The following FBRSL1 variants were observed in gnomAD, a reference collection of about 807,000 sequenced individuals.
The protein encoded by FBRSL1 is fibrosin like 1, also known as fibrosin-1-like protein.
Under a neutral mutation model 89.6 loss-of-function variants are expected in FBRSL1, and 51 were observed. That is an observed-to-expected ratio of 0.57 (90% CI 0.45 to 0.72). FBRSL1 has a LOEUF of 0.72. Among genes scored for constraint, FBRSL1 ranks in the 30% least tolerant of loss-of-function variants. The probability of loss-of-function intolerance (pLI) is 0.00; values close to 1 mark genes in which losing one functional copy is unlikely to be tolerated. For missense variants in FBRSL1, 1,618 were observed against 1,451.8 expected, an observed-to-expected ratio of 1.11 and a Z score of -1.86; for synonymous variants, 779 against 681.1, an observed-to-expected ratio of 1.14 and a Z score of -2.24.
chr12:132,571,087 A>G lies in FBRSL1; in HGVS notation c.1233A>G (p.Ser411=), dbSNP rs971485930. Residue 411 remains serine (S), a synonymous_variant, in exon 9 of 19, where the codon TCA becomes TCG. Coordinates refer to ENST00000680143, the MANE Select transcript of FBRSL1 (RefSeq NM_001367871.1). The part of the protein sequence containing the change: ...GHPADASLAV[S]FSQPIMYCQP... The stretch of plus-strand genomic sequence containing the variant: ...CTCTAGATGCCAGCCTGGCGGTCTC[A>G]TTCAGCCAGCCAATCATGTATTGCC... The G allele has an allele frequency of 3.0e-6, 4 of 1,354,996 alleles. No homozygotes were observed. The African/African-American group carries it at 5.9e-5, about 20-fold the overall frequency. The allele number at this position is 1,354,996 out of a possible 1,614,324, so 83.9% of individuals were successfully genotyped here.
At chr12:132,500,226 C>T (rs1314504287) in intron 1 of FBRSL1, among the ~76,000 whole-genome samples, 1 of 152,302 alleles carries the variant, frequency 6.6e-6, no homozygotes, top group Middle Eastern at 3.4e-3. Flanking sequence ...CACCTTCCCT[C>T]TGTTGAGAAC....
intron 15 of FBRSL1, chr12:132,580,752 G>A: frequency 1.0e-6 from 1 of 985,288 alleles, no homozygotes; most frequent in Non-Finnish European, 1.2e-6. Context: ...GGCTGGGAGG[G>A]AGTCGGAGTA....
At chr12:132,581,296 C>T in intron 15 of FBRSL1, 143 bp from the exon 16 acceptor site, 8 of 1,508,178 alleles carry the variant, frequency 5.3e-6, no homozygotes, top group Non-Finnish European at 7.1e-6. Context: ...TCTGACTGGA[C>T]ACGCTTCACC....
rs140031816 is a variant in FBRSL1, at chr12:132,502,045, G to A, written c.292-6108G>A. On this transcript the variant is annotated intron_variant, in intron 1 of 18. Coordinates refer to ENST00000680143, the MANE Select transcript of FBRSL1 (RefSeq NM_001367871.1). ...CTGTTTGTACAGAGAGTGCATGGAC[G>A]GGACATATGTTGGTTTTGAAGAGGT... 1.9e-3 allele frequency among the ~76,000 whole-genome samples: 289 copies of A among 152,312 alleles called. 2 individuals carry two copies. Among genetic ancestry groups the A allele is most frequent in the African/African-American group, 6.4e-3 (266 of 41,552 alleles).
chr12:132,571,328 A>G, intron 9 of FBRSL1, 97 bp downstream of exon 9: 1 of 1,548,652 alleles, frequency 6.5e-7, no homozygotes, highest in Non-Finnish European at 8.7e-7. Context: ...CTCAGGCAAG[A>G]GCTGAACACG....
chr12:132,535,761 A>G (rs550214912), intron 4 of FBRSL1, among the ~76,000 whole-genome samples: 3 of 152,314 alleles, frequency 2.0e-5, no homozygotes, highest in Non-Finnish European at 2.9e-5. Context: ...GCACGTGTAC[A>G]TGACAGTGTG....
At chr12:132,534,975 C>T (rs989783715) in intron 4 of FBRSL1, among the ~76,000 whole-genome samples, 1 of 152,228 alleles carries the variant, frequency 6.6e-6, no homozygotes, top group Non-Finnish European at 1.5e-5. Flanking sequence ...CAGGACAGCC[C>T]CACAGGGCAG....
At chr12:132,573,034 C>T (rs1419759162) in intron 11 of FBRSL1, among the ~76,000 whole-genome samples, 1 of 152,260 alleles carries the variant, frequency 6.6e-6, no homozygotes, top group East Asian at 1.9e-4. Flanking sequence ...GTGGGGGACC[C>T]GGGCCTTACG....
In FBRSL1 at chr12:132,582,957, C is replaced by T. The variant is rs2040884212; in HGVS notation, c.2202-14C>T. 7.1e-7 allele frequency: 1 copy of T among 1,402,342 alleles called. No homozygotes were observed. Among genetic ancestry groups the T allele is most frequent in the Non-Finnish European group, 9.2e-7 (1 of 1,087,790 alleles). 86.9% of individuals were successfully genotyped at this position (1,402,342 alleles called of 1,614,324 possible). On this transcript the variant is annotated splice_polypyrimidine_tract_variant and intron_variant, in intron 18 of 18. Transcript: ENST00000680143. ...GAGGTCTCGGGAGTGACGGGTCCGC[C>T]CTGCCGCCCCCAGGGACCTCCTGGA...
intron 1 of FBRSL1, among the ~76,000 whole-genome samples, chr12:132,502,346 C>T (rs1368401665): frequency 6.6e-6 from 1 of 152,242 alleles, no homozygotes; most frequent in Non-Finnish European, 1.5e-5. Flanking sequence ...GGTGCCACCT[C>T]AGCCCTCCAC....
At chr12:132,579,405 C>T (rs1444935048) in intron 15 of FBRSL1, among the ~76,000 whole-genome samples, 1 of 152,144 alleles carries the variant, frequency 6.6e-6, no homozygotes, top group African/African-American at 2.4e-5. Flanking sequence ...TTATATTTTA[C>T]TAATATTATG....
At chr12:132,552,175 C>A (rs1052989101) in intron 5 of FBRSL1, 9 of 163,162 alleles carry the variant, frequency 5.5e-5, no homozygotes, top group Non-Finnish European at 1.1e-4. Context: ...CAAGCACGGT[C>A]CCCAGAGAGC....
chr12:132,562,129 GCC>G, intron 5 of FBRSL1, among the ~76,000 whole-genome samples: 1 of 152,220 alleles, frequency 6.6e-6, no homozygotes, highest in Non-Finnish European at 1.5e-5. Flanking sequence ...TCACTGCGTA[GCC>G]TGGGTCACCG....
chr12:132,567,961 T>G (rs1335295908), intron 6 of FBRSL1, among the ~76,000 whole-genome samples: 1 of 152,184 alleles, frequency 6.6e-6, no homozygotes, highest in Non-Finnish European at 1.5e-5. Context: ...CCTGGATTGC[T>G]GTTCCAGGCC....
intron 1 of FBRSL1, among the ~76,000 whole-genome samples, chr12:132,496,077 C>T (rs1045511301): frequency 6.6e-6 from 1 of 152,256 alleles, no homozygotes; most frequent in Non-Finnish European, 1.5e-5. Flanking sequence ...GCCGTGGCTA[C>T]GCCGCGTGCC....
chr12:132,583,721 G>C lies in FBRSL1; in HGVS notation c.2952G>C (p.Pro984=), dbSNP rs533636287. 2 of 1,210,656 alleles carry C rather than the reference G, an allele frequency of 1.7e-6. No homozygotes were observed. Among genetic ancestry groups the C allele is most frequent in the Admixed American group, 8.8e-5 (2 of 22,832 alleles). 75.0% of individuals were successfully genotyped at this position (1,210,656 alleles called of 1,614,324 possible). ...CTACTCCGCTGGGGGGCCTCGGGCC[G>C]GGCGAGGCGCGCGACTACTCCCCGT... The part of the protein sequence containing the change: ...SRTTPLGGLG[P]GEARDYSPSR... The change falls in exon 19 of 19, where the codon CCG becomes CCC. Residue 984 remains proline (P), a synonymous_variant. Transcript: ENST00000680143.
intron 14 of FBRSL1, among the ~76,000 whole-genome samples, chr12:132,575,032 C>T (rs936294312): frequency 6.6e-6 from 1 of 152,006 alleles, no homozygotes; most frequent in African/African-American, 2.4e-5. Context: ...GGTGCAGGTC[C>T]CACCAGGCTA....
chr12:132,566,403 A>G lies in FBRSL1; in HGVS notation c.646-1078A>G, dbSNP rs545939144. ...AATCCACAACTCAATGAAGCTGTTT[A>G]ATCAAAAAAAAAAAAAAAAGAAGAA... On this transcript the variant is annotated intron_variant, in intron 5 of 18. Transcript: ENST00000680143. The G allele has an allele frequency of 3.9e-5, 4 of 103,678 alleles. No homozygotes were observed. In the East Asian group the frequency reaches 2.2e-3, roughly 56 times the overall value. The allele number at this position is 103,678 out of a possible 1,614,324, so 6.4% of individuals were successfully genotyped here.
chr12:132,508,685 G>C (rs898914656), intron 2 of FBRSL1, among the ~76,000 whole-genome samples: 2 of 152,264 alleles, frequency 1.3e-5, no homozygotes, highest in Non-Finnish European at 2.9e-5. Flanking sequence ...CCGACTACAG[G>C]TGTCCAGAGT....
Sources: gnomAD v4.1 joint callset for allele counts (sites outside exome capture counted in the v4.1 genomes callset) on GRCh38, gnomAD v4.1.1 for gene constraint, MANE v1.5 for transcripts, NCBI Gene and HGNC (gene_info 2026-07-23, HGNC 2026-07-21) for gene names.